CNTN5: variants seen among roughly 807,000 people sequenced by gnomAD.
CNTN5 encodes contactin 5.
Under a neutral mutation model 129.1 loss-of-function variants are expected in CNTN5, and 77 were observed. The ratio of observed to expected loss-of-function variants is 0.60; its 90% CI spans 0.50 to 0.72. The LOEUF (loss-of-function observed/expected upper bound fraction) is 0.72, where lower values mean the gene tolerates loss of function less well. CNTN5 is among the 30% of genes least tolerant of loss of function. CNTN5 has a pLI of 0.00. For synonymous variants in CNTN5, 509 were observed against 465.6 expected (o/e 1.09, Z -1.20); for missense variants, 1,478 against 1,328.8 (o/e 1.11, Z -1.75).
intron 2 of CNTN5, among the ~76,000 whole-genome samples, chr11:99,381,038 T>C (rs907478467): frequency 1.3e-5 from 2 of 152,052 alleles, no homozygotes; most frequent in Admixed American, 1.3e-4. Flanking sequence ...GACTCCAACA[T>C]TTGAGTAGTT....
intron 3 of CNTN5, among the ~76,000 whole-genome samples, chr11:99,740,903 T>C (rs7111400): frequency 0.44 from 66,786 of 152,006 alleles, 14,985 homozygotes; most frequent in Admixed American, 0.52. Context: ...CTGTTAAATC[T>C]AACTATCTGC....
chr11:99,298,881 A>G (rs960406862), intron 1 of CNTN5, among the ~76,000 whole-genome samples: 49 of 152,216 alleles, frequency 3.2e-4, no homozygotes, highest in Non-Finnish European at 4.1e-4. Flanking sequence ...AACCAGAGAC[A>G]TTCCAACCCT....
At chr11:99,972,579 C>A (rs1951293892) in intron 8 of CNTN5, among the ~76,000 whole-genome samples, 2 of 151,200 alleles carry the variant, frequency 1.3e-5, no homozygotes, top group South Asian at 4.2e-4. Flanking sequence ...CAGAACCACA[C>A]CCAGCTAGCA....
intron 1 of CNTN5, among the ~76,000 whole-genome samples, chr11:99,065,583 T>G (rs1865067768): frequency 6.6e-6 from 1 of 152,190 alleles, no homozygotes; most frequent in South Asian, 2.1e-4. Flanking sequence ...TGTGTTCCAT[T>G]AATAATAGCA....
chr11:99,940,646 C>G (rs1950413888), intron 7 of CNTN5, among the ~76,000 whole-genome samples: 2 of 152,104 alleles, frequency 1.3e-5, no homozygotes, highest in African/African-American at 4.8e-5. Context: ...GTGTATGAGA[C>G]AGTTCTTGTC....
intron 13 of CNTN5, among the ~76,000 whole-genome samples, chr11:100,090,491 T>G (rs1246968627): frequency 2.6e-5 from 1 of 37,746 alleles, no homozygotes; most frequent in Non-Finnish European, 4.5e-5. Context: ...CCCTCCCTCC[T>G]TTCCTCCTTT....
At chr11:99,243,900 A>T (rs911115749) in intron 1 of CNTN5, among the ~76,000 whole-genome samples, 4 of 151,810 alleles carry the variant, frequency 2.6e-5, no homozygotes, top group Non-Finnish European at 2.9e-5. Context: ...CGGCAATGTG[A>T]TGCCTCCAGC....
chr11:100,268,883 A>G (rs1008478684), intron 17 of CNTN5, among the ~76,000 whole-genome samples: 1 of 152,188 alleles, frequency 6.6e-6, no homozygotes, highest in Non-Finnish European at 1.5e-5. Flanking sequence ...CATTCCCCGT[A>G]TAAGAATACC....
At chr11:100,003,113 C>T (rs1181033914) in intron 9 of CNTN5, among the ~76,000 whole-genome samples, 1 of 152,008 alleles carries the variant, frequency 6.6e-6, no homozygotes, top group Non-Finnish European at 1.5e-5. Context: ...ATAGTAAACA[C>T]CGTGTTTTAA....
At chr11:99,355,699 C>A (rs1424010950) in intron 2 of CNTN5, among the ~76,000 whole-genome samples, 2 of 152,090 alleles carry the variant, frequency 1.3e-5, no homozygotes, top group Non-Finnish European at 2.9e-5. Flanking sequence ...GGTTTTAGCT[C>A]CCAGGTACCT....
intron 3 of CNTN5, among the ~76,000 whole-genome samples, chr11:99,797,360 T>C (rs1186698058): frequency 6.6e-6 from 1 of 152,160 alleles, no homozygotes; most frequent in East Asian, 1.9e-4. Flanking sequence ...CAAATTTACA[T>C]ACCTGCCAAT....
intron 15 of CNTN5, among the ~76,000 whole-genome samples, chr11:100,197,592 A>C (rs1356833764): frequency 3.3e-5 from 5 of 151,984 alleles, no homozygotes; most frequent in African/African-American, 1.2e-4. Context: ...TCTGAATAGC[A>C]TCTGAGCTAT....
In CNTN5 at chr11:99,830,267, A is replaced by G. The variant is rs144978242; in HGVS notation, c.277+10502A>G. Among the ~76,000 whole-genome samples the G allele has an allele frequency of 3.7e-3, 565 of 152,262 alleles. 7 individuals are homozygous for G. The highest frequency in any genetic ancestry group is 0.012 in the African/African-American group (502 of 41,562). On this transcript the variant is annotated intron_variant, in intron 4 of 24. Transcript: ENST00000524871. ...AATTTTGCTCTCTTTAATTCCCTCA[A>G]TGGTAAACACAATCTGCACTTTATA...
chr11:99,449,460 CCTTT>C (rs1338743348), intron 2 of CNTN5, among the ~76,000 whole-genome samples: 9 of 152,152 alleles, frequency 5.9e-5, no homozygotes, highest in African/African-American at 2.2e-4. Context: ...TTTAAAATGT[CCTTT>C]CTAATATGAA....
intron 15 of CNTN5, among the ~76,000 whole-genome samples, chr11:100,219,273 A>C (rs115477308): frequency 6.6e-6 from 1 of 152,336 alleles, no homozygotes; most frequent in African/African-American, 2.4e-5. Context: ...TTAGCACAGC[A>C]CAAATGAATA....
intron 2 of CNTN5, among the ~76,000 whole-genome samples, chr11:99,540,912 A>C (rs1260617858): frequency 6.6e-6 from 1 of 152,194 alleles, no homozygotes; most frequent in Non-Finnish European, 1.5e-5. Flanking sequence ...TAAACATCCA[A>C]AGCAGTCTGA....
intron 2 of CNTN5, among the ~76,000 whole-genome samples, chr11:99,426,296 A>G (rs1943116751): frequency 6.6e-6 from 1 of 152,208 alleles, no homozygotes; most frequent in Non-Finnish European, 1.5e-5. Flanking sequence ...AAATAGGATC[A>G]CAGGTAACTG....
chr11:99,726,944 G>A (rs764408484), intron 3 of CNTN5, among the ~76,000 whole-genome samples: 2 of 152,024 alleles, frequency 1.3e-5, no homozygotes, highest in African/African-American at 4.8e-5. Context: ...TTACATAAAA[G>A]ATAATAGAAA....
At chr11:99,055,720 T>G (rs539241984) in intron 1 of CNTN5, among the ~76,000 whole-genome samples, 164 of 152,112 alleles carry the variant, frequency 1.1e-3, no homozygotes, top group African/African-American at 3.8e-3. Flanking sequence ...GTACACTGCC[T>G]CTAGATATCT....
Sources: allele counts gnomAD v4.1 joint callset (sites outside exome capture counted in the v4.1 genomes callset), GRCh38; gene constraint gnomAD v4.1.1; transcripts MANE v1.5; gene names NCBI Gene and HGNC (gene_info 2026-07-23, HGNC 2026-07-21).